Variants in EPHA3 observed in about 807,000 individuals in gnomAD.
EPHA3 encodes the protein EPH receptor A3, also known as ephrin type-A receptor 3.
EPHA3 carries 42 observed loss-of-function variants against 107.1 expected under a neutral mutation model. The ratio of observed to expected loss-of-function variants is 0.39; its 90% CI spans 0.31 to 0.51. EPHA3 has a LOEUF of 0.51. Among genes scored for constraint, EPHA3 ranks in the 20% least tolerant of loss-of-function variants. The pLI, the probability that EPHA3 is intolerant of heterozygous loss-of-function variation, is 0.78. For missense variants in EPHA3, 1,183 were observed against 1,211.2 expected (o/e 0.98, Z 0.35); for synonymous variants, 461 against 424.8 (o/e 1.09, Z -1.05).
chr3:89,443,419 T>C (rs1709821873), intron 13 of EPHA3, among the ~76,000 whole-genome samples: 1 of 152,134 alleles, frequency 6.6e-6, no homozygotes, highest in Non-Finnish European at 1.5e-5. Context: ...AACAACACTA[T>C]TAAATAGTAG....
At chr3:89,399,253 G>C in intron 6 of EPHA3, 65 bp from the exon 7 acceptor site, 1 of 1,468,410 alleles carries the variant, frequency 6.8e-7, no homozygotes, top group South Asian at 1.3e-5. Context: ...GTGGTTCACT[G>C]TTTATCATTT....
chr3:89,172,065 G>C (rs181169341), intron 2 of EPHA3, among the ~76,000 whole-genome samples: 1 of 148,670 alleles, frequency 6.7e-6, no homozygotes, highest in East Asian at 2.0e-4. Flanking sequence ...CCCCCTTTAC[G>C]TCTGAAGCCA....
intron 2 of EPHA3, among the ~76,000 whole-genome samples, chr3:89,133,955 G>T (rs982896774): frequency 6.6e-6 from 1 of 151,732 alleles, no homozygotes; most frequent in Non-Finnish European, 1.5e-5. Flanking sequence ...ACTTTTCGTC[G>T]CACGTTACAA....
intron 2 of EPHA3, among the ~76,000 whole-genome samples, chr3:89,139,608 G>C (rs973799834): frequency 6.6e-6 from 1 of 151,758 alleles, no homozygotes; most frequent in East Asian, 1.9e-4. Flanking sequence ...ACTTTATTTA[G>C]AGCAGTAAAA....
Position 89,107,755 on chromosome 3 carries a change from T to TG in EPHA3, c.8dup (p.Cys3TrpfsTer27). 2 of 1,614,068 alleles carry TG rather than the reference T, an allele frequency of 1.2e-6. No individual in the cohort carries two copies. Among genetic ancestry groups the TG allele is most frequent in the Non-Finnish European group, 1.7e-6 (2 of 1,179,922 alleles). ...TGCCCTCTGCACCAGCAACATGGAT[T>TG]GTCAGCTCTCCATCCTCCTCCTTCT... On this transcript the variant is annotated frameshift_variant, in exon 1 of 17. Transcript: ENST00000336596. LOFTEE classifies it high-confidence loss of function.
chr3:89,189,816 T>C (rs1705661698), intron 2 of EPHA3, among the ~76,000 whole-genome samples: 1 of 152,214 alleles, frequency 6.6e-6, no homozygotes, highest in Non-Finnish European at 1.5e-5. Flanking sequence ...TTTAAACAAC[T>C]GGTTACTAAG....
intron 2 of EPHA3, among the ~76,000 whole-genome samples, chr3:89,128,066 T>G (rs1576168450): frequency 6.6e-6 from 1 of 152,156 alleles, no homozygotes; most frequent in African/African-American, 2.4e-5. Context: ...TGTGAAGTAC[T>G]ATTTTGAAAT....
intron 15 of EPHA3, among the ~76,000 whole-genome samples, chr3:89,466,863 C>G (rs1309798273): frequency 6.7e-6 from 1 of 149,658 alleles, no homozygotes; most frequent in South Asian, 2.1e-4. Flanking sequence ...CCTCCTGTCT[C>G]TCTTTTTTAA....
At chr3:89,287,346 T>C (rs1199228860) in intron 3 of EPHA3, among the ~76,000 whole-genome samples, 1 of 152,126 alleles carries the variant, frequency 6.6e-6, no homozygotes, top group African/African-American at 2.4e-5. Flanking sequence ...GGTCAGAGAA[T>C]TGAAATTATA....
At chr3:89,354,846 C>G (rs1393344876) in intron 5 of EPHA3, among the ~76,000 whole-genome samples, 2 of 150,874 alleles carry the variant, frequency 1.3e-5, no homozygotes, top group East Asian at 3.9e-4. Flanking sequence ...ATTCTTTTTC[C>G]TATGGGTTGC....
At chr3:89,238,318 T>G (rs2107238724) in intron 3 of EPHA3, among the ~76,000 whole-genome samples, 1 of 152,310 alleles carries the variant, frequency 6.6e-6, no homozygotes, top group African/African-American at 2.4e-5. Context: ...AACACAAAAA[T>G]ATTATATAAT....
At chr3:89,281,004 A>ATTAC (rs1705933810) in intron 3 of EPHA3, among the ~76,000 whole-genome samples, 1 of 147,280 alleles carries the variant, frequency 6.8e-6, no homozygotes, top group Non-Finnish European at 1.5e-5. Flanking sequence ...CAAGATTTTT[A>ATTAC]TTATTTATTT....
At chr3:89,392,432 C>T (rs1288023813) in intron 5 of EPHA3, among the ~76,000 whole-genome samples, 1 of 149,356 alleles carries the variant, frequency 6.7e-6, no homozygotes, top group Non-Finnish European at 1.5e-5. Flanking sequence ...GAGTGAAACT[C>T]CATCGAAAAA....
intron 1 of EPHA3, among the ~76,000 whole-genome samples, chr3:89,117,278 T>C (rs989426671): frequency 2.0e-5 from 3 of 152,122 alleles, no homozygotes; most frequent in Admixed American, 1.3e-4. Flanking sequence ...ATTTTACTTT[T>C]TGCCTATGAT....
intron 3 of EPHA3, among the ~76,000 whole-genome samples, chr3:89,233,733 A>G (rs1478734433): frequency 6.6e-6 from 1 of 152,210 alleles, no homozygotes; most frequent in African/African-American, 2.4e-5. Flanking sequence ...TAACTGAGAT[A>G]AATGGATGCA....
chr3:89,319,667 TTC>T (rs1220100750), intron 3 of EPHA3, among the ~76,000 whole-genome samples: 1 of 151,912 alleles, frequency 6.6e-6, no homozygotes, highest in African/African-American at 2.4e-5. Context: ...GCTCAATTTA[TTC>T]TGTCAGGAGA....
intron 5 of EPHA3, among the ~76,000 whole-genome samples, chr3:89,387,582 T>A (rs1708646328): frequency 6.6e-6 from 1 of 152,182 alleles, no homozygotes; most frequent in Non-Finnish European, 1.5e-5. Context: ...AAGCATTATA[T>A]TTAGAAATCT....
At chr3:89,440,725 C>T (rs1709766381) in intron 13 of EPHA3, among the ~76,000 whole-genome samples, 2 of 152,212 alleles carry the variant, frequency 1.3e-5, no homozygotes, top group African/African-American at 4.8e-5. Context: ...AGACTCTCAA[C>T]TAATCCTGGA....
At chr3:89,258,250 G>A (rs1433129980) in intron 3 of EPHA3, among the ~76,000 whole-genome samples, 1 of 152,210 alleles carries the variant, frequency 6.6e-6, no homozygotes, top group African/African-American at 2.4e-5. Context: ...GAGACATGGA[G>A]CTATTTGTCC....
Sources: allele counts gnomAD v4.1 joint callset (sites outside exome capture counted in the v4.1 genomes callset), GRCh38; gene constraint gnomAD v4.1.1; transcripts MANE v1.5; gene names NCBI Gene and HGNC (gene_info 2026-07-23, HGNC 2026-07-21).